Variants in PHF3 observed in about 807,000 individuals in gnomAD.
The protein encoded by PHF3 is PHD finger protein 3.
A neutral mutation model predicts 178.4 loss-of-function variants in PHF3; 41 were observed. The observed-to-expected ratio is 0.23, with a 90% CI of 0.18 to 0.30. PHF3 has a LOEUF of 0.30. Among genes scored for constraint, PHF3 ranks in the 10% least tolerant of loss-of-function variants. PHF3 has a pLI of 1.00. For synonymous variants in PHF3, 842 were observed against 800.5 expected, an observed-to-expected ratio of 1.05 and a Z score of -0.88; for missense variants, 2,346 against 2,398.1, an observed-to-expected ratio of 0.98 and a Z score of 0.45.
chr6:63,700,319 C>G, intron 8 of PHF3, 31 bp from the exon 9 acceptor site: 1 of 1,035,204 alleles, frequency 9.7e-7, no homozygotes. Context: ...TGTTTGTCTC[C>G]CCTTCTATTC....
At position 63,721,945 on chromosome 6, in the gene PHF3, TCA is replaced by T. The variant is rs1768415070; in HGVS notation, c.*8240_*8241del. On this transcript the variant is annotated 3_prime_UTR_variant, in exon 16 of 16. Coordinates refer to ENST00000262043, the MANE Select transcript of PHF3 (RefSeq NM_001370348.2). ...ACAATTGTGTTAGTTTTGTTTCCAC[TCA>T]CAGAGCAAAATGCATATATCCTGTA... 4.2e-6 allele frequency: 3 copies of T among 714,934 alleles called. No homozygotes were observed. The highest frequency in any genetic ancestry group is 1.8e-5 in the African/African-American group (1 of 55,882). The allele number at this position is 714,934 out of a possible 1,614,324, so 44.3% of individuals were successfully genotyped here.
chr6:63,725,324 CA>C lies in PHF3; in HGVS notation c.*11619del, dbSNP rs1376244102. 6.6e-6 allele frequency among the ~76,000 whole-genome samples: 1 copy of C among 151,602 alleles called. No homozygotes were observed. Among genetic ancestry groups the C allele is most frequent in the African/African-American group, 2.4e-5 (1 of 40,990 alleles). On this transcript the variant is annotated 3_prime_UTR_variant, in exon 16 of 16. Coordinates refer to ENST00000262043, the MANE Select transcript of PHF3 (RefSeq NM_001370348.2). ...GTATGAGCTTTATATTTCATATACA[CA>C]AACAAATATGTATCGTTGTACTGAT...
chr6:63,657,288 T>C (rs1765275129), intron 2 of PHF3, among the ~76,000 whole-genome samples: 1 of 152,208 alleles, frequency 6.6e-6, no homozygotes. Flanking sequence ...CAAAGGGATA[T>C]ACAGTAGGCT....
At chr6:63,638,313 A>G (rs554560784) in intron 1 of PHF3, among the ~76,000 whole-genome samples, 2 of 152,128 alleles carry the variant, frequency 1.3e-5, no homozygotes, top group Non-Finnish European at 2.9e-5. Context: ...GATTTTTTTC[A>G]TAGTATAAGG....
intron 15 of PHF3, 87 bp downstream of exon 15, chr6:63,711,449 C>A: frequency 1.5e-6 from 2 of 1,356,252 alleles, no homozygotes; most frequent in Non-Finnish European, 2.0e-6. Context: ...CCTTCTTTCT[C>A]AGGATCCAGC....
At chr6:63,703,710 T>A (rs918607059) in intron 11 of PHF3, 39 bp downstream of exon 11, 1 of 1,574,944 alleles carries the variant, frequency 6.3e-7, no homozygotes, top group Non-Finnish European at 8.6e-7. Flanking sequence ...TTGCATTCAT[T>A]ATGAAAGAAG....
chr6:63,721,202 C>G lies in PHF3; in HGVS notation c.*7494C>G. 1.3e-6 allele frequency: 2 copies of G among 1,551,582 alleles called. No homozygotes were observed. The highest frequency in any genetic ancestry group is 1.7e-6 in the Non-Finnish European group (2 of 1,146,906). On this transcript the variant is annotated 3_prime_UTR_variant, in exon 16 of 16. Transcript: ENST00000262043. ...TTTTGTTTTCACAATACCTTCCCAC[C>G]CAACCCAAAGTACACAGGCAACTGT...
rs186720706 is a variant in PHF3, at chr6:63,705,098, A to G, written c.3368-931A>G. Reference sequence around the variant, plus strand: ...TGGTGAGGTGTCTCTTCAGGCATGTATAGTCATGAGCTGTTGCTATATAAT... The same window carrying G: ...TGGTGAGGTGTCTCTTCAGGCATGTGTAGTCATGAGCTGTTGCTATATAAT... On this transcript the variant is annotated intron_variant, in intron 11 of 15. Coordinates refer to ENST00000262043, the MANE Select transcript of PHF3 (RefSeq NM_001370348.2). Among the ~76,000 whole-genome samples, 252 of 152,296 alleles carry G rather than the reference A, an allele frequency of 1.7e-3. 5 individuals carry two copies. Among genetic ancestry groups the G allele is most frequent in the South Asian group, 6.2e-3 (30 of 4,832 alleles).
chr6:63,685,767 C>A lies in PHF3; in HGVS notation c.2045C>A (p.Ser682Tyr). The A allele has an allele frequency of 6.2e-7, 1 of 1,614,050 alleles. No individual in the cohort carries two copies. Among genetic ancestry groups the A allele is most frequent in the Non-Finnish European group, 8.5e-7 (1 of 1,180,008 alleles). The part of the protein sequence containing the change: ...PRQRRSSKSF[S>Y]LDEPPLFIPD... Reference sequence around the variant, plus strand: ...CAAAGAAGAAGCAGCAAAAGTTTTTCTTTAGATGAGCCACCATTGTTCATT... The same window carrying A: ...CAAAGAAGAAGCAGCAAAAGTTTTTATTTAGATGAGCCACCATTGTTCATT... The change falls in exon 4 of 16, where the codon TCT becomes TAT. Residue 682 changes from serine (S) to tyrosine (Y), a missense_variant. Physicochemically the swap from Ser to Tyr is moderately radical, Grantham distance 144. This residue lies in a region of PHF3 where 843 missense variants were observed against 795.2 expected (regional missense o/e 1.06). Transcript: ENST00000262043.
intron 2 of PHF3, among the ~76,000 whole-genome samples, chr6:63,668,093 G>T (rs1480310524): frequency 6.6e-6 from 1 of 152,196 alleles, no homozygotes. Context: ...GCTGGAGTCA[G>T]TTGTAGCAAA....
rs754883012 is a variant in PHF3, at chr6:63,684,318, G to C, written c.596G>C (p.Arg199Thr). 6.2e-7 allele frequency: 1 copy of C among 1,613,936 alleles called. No homozygotes were observed. Among genetic ancestry groups the C allele is most frequent in the Non-Finnish European group, 8.5e-7 (1 of 1,179,882 alleles). The change falls in exon 4 of 16, where the codon AGG (arginine) becomes ACG (threonine). Residue 199 changes from arginine (R) to threonine (T), a missense_variant. This residue lies in a region of PHF3 where 843 missense variants were observed against 795.2 expected (regional missense o/e 1.06). Transcript: ENST00000262043. ...LKPEYHKENR[R>T]CSRNSGQIEV... is the part of the protein sequence containing the mutation. ...CCTGAGTACCATAAGGAGAATAGAA[G>C]GTGCAGCCGAAATAGCGGACAAATT...
At position 63,720,566 on chromosome 6, in the gene PHF3, A is replaced by G. The variant is rs746282101; in HGVS notation, c.*6858A>G. 9.2e-6 allele frequency: 13 copies of G among 1,411,182 alleles called. No individual in the cohort carries two copies. Among genetic ancestry groups the G allele is most frequent in the Non-Finnish European group, 1.2e-5 (13 of 1,061,912 alleles). The allele number at this position is 1,411,182 out of a possible 1,614,324, so 87.4% of individuals were successfully genotyped here. ...ACTATCAAAATAACTGCATTTATGT[A>G]TAGTGTGTACTAAAATCTCTAGTGT... is the stretch of plus-strand genomic sequence containing the variant. On this transcript the variant is annotated 3_prime_UTR_variant, in exon 16 of 16. Transcript: ENST00000262043.
At chr6:63,646,325 A>G (rs1764783156) in intron 1 of PHF3, among the ~76,000 whole-genome samples, 1 of 152,152 alleles carries the variant, frequency 6.6e-6, no homozygotes, top group Non-Finnish European at 1.5e-5. Flanking sequence ...TACATGCATG[A>G]TGAAGAAACA....
chr6:63,681,019 A>G (rs879359960), intron 3 of PHF3, among the ~76,000 whole-genome samples: 1 of 152,066 alleles, frequency 6.6e-6, no homozygotes, highest in Non-Finnish European at 1.5e-5. Context: ...TGTGAGATAC[A>G]CTTTTTAAAC....
chr6:63,715,754 T>C lies in PHF3; in HGVS notation c.*2046T>C, dbSNP rs1190603291. Among the ~76,000 whole-genome samples the C allele has an allele frequency of 6.6e-6, 1 of 152,100 alleles. No individual in the cohort carries two copies. The highest frequency in any genetic ancestry group is 6.6e-5 in the Admixed American group (1 of 15,238). On this transcript the variant is annotated 3_prime_UTR_variant, in exon 16 of 16. Coordinates refer to ENST00000262043, the MANE Select transcript of PHF3 (RefSeq NM_001370348.2). ...TAACCGCTGATTGACTGAAACATTT[T>C]ATGGAGAATAGGGAAGGTATGGTCA... is the stretch of plus-strand genomic sequence containing the variant.
In PHF3 at chr6:63,698,376, T is replaced by C. The variant is rs768481319; in HGVS notation, c.2825+9T>C. Reference sequence around the variant, plus strand: ...GACATTCTTATGAAGAGGTAACATATATTTTTATTATAGAAGTATCAATAA... The same window carrying C: ...GACATTCTTATGAAGAGGTAACATACATTTTTATTATAGAAGTATCAATAA... On this transcript the variant is annotated intron_variant, in intron 7 of 15. Transcript: ENST00000262043. The C allele has an allele frequency of 1.3e-6, 2 of 1,595,724 alleles. No individual in the cohort carries two copies. The highest frequency in any genetic ancestry group is 1.7e-6 in the Non-Finnish European group (2 of 1,169,112).
chr6:63,658,047 A>G (rs1373501662), intron 2 of PHF3, among the ~76,000 whole-genome samples: 2 of 152,324 alleles, frequency 1.3e-5, no homozygotes, highest in African/African-American at 2.4e-5. Context: ...TTTGAGTTCA[A>G]TGCTTGGTTG....
Position 63,721,336 on chromosome 6 carries a change from A to G in PHF3, c.*7628A>G, listed in dbSNP as rs1245199091. The G allele has an allele frequency of 1.9e-6, 3 of 1,551,892 alleles. No homozygotes were observed. Among genetic ancestry groups the G allele is most frequent in the Non-Finnish European group, 2.6e-6 (3 of 1,147,012 alleles). ...CCAGCCCAATCTGGCAAACATCTGC[A>G]AGAAAAAGTTGTGCCATTTACTGTA... On this transcript the variant is annotated 3_prime_UTR_variant, in exon 16 of 16. Transcript: ENST00000262043.
Position 63,723,496 on chromosome 6 carries a change from T to C in PHF3, c.*9788T>C, listed in dbSNP as rs1322936688. Among the ~76,000 whole-genome samples, 2 of 152,134 alleles carry C rather than the reference T, an allele frequency of 1.3e-5. No homozygotes were observed. The highest frequency in any genetic ancestry group is 2.9e-5 in the Non-Finnish European group (2 of 68,032). ...AGTGTTCCTGTAGTAAACAATTTTATAGTGAAGAGCTACATTAGAATAAAA... is the reference window on the plus strand; with the variant it reads ...AGTGTTCCTGTAGTAAACAATTTTACAGTGAAGAGCTACATTAGAATAAAA... On this transcript the variant is annotated 3_prime_UTR_variant, in exon 16 of 16. Coordinates refer to ENST00000262043, the MANE Select transcript of PHF3 (RefSeq NM_001370348.2).
Sources: gnomAD v4.1 joint callset for allele counts (sites outside exome capture counted in the v4.1 genomes callset) on GRCh38, gnomAD v4.1.1 for gene constraint, gnomAD v4.1.1 regional missense constraint, MANE v1.5 for transcripts, NCBI Gene and HGNC (gene_info 2026-07-23, HGNC 2026-07-21) for gene names.